PRICKLE2: variants seen among roughly 807,000 people sequenced by gnomAD.
PRICKLE2 encodes the protein prickle planar cell polarity protein 2, also known as prickle-like protein 2.
In PRICKLE2, 21 loss-of-function variants were observed where a neutral mutation model predicts 81.4. The ratio of observed to expected loss-of-function variants is 0.26; its 90% CI spans 0.18 to 0.37. The LOEUF is 0.37. Ranked by LOEUF, PRICKLE2 falls within the 10% of genes least tolerant of loss-of-function variation. The pLI is 1.00. For synonymous variants in PRICKLE2, 456 were observed against 421.5 expected (o/e 1.08, Z -1.00); for missense variants, 940 against 1,109.0 (o/e 0.85, Z 2.16).
At chr3:64,111,809 T>G (rs559992455) in intron 7 of PRICKLE2, among the ~76,000 whole-genome samples, 1 of 152,194 alleles carries the variant, frequency 6.6e-6, no homozygotes. Flanking sequence ...TCTAGGTTAC[T>G]GGCACTGCCT....
chr3:64,168,813 A>T (rs1316092915), intron 2 of PRICKLE2, among the ~76,000 whole-genome samples: 3 of 152,242 alleles, frequency 2.0e-5, no homozygotes, highest in Non-Finnish European at 4.4e-5. Flanking sequence ...GGCTGACCAC[A>T]GAAACGATGA....
In PRICKLE2 at chr3:64,202,397, A is replaced by T. The variant is rs150107829; in HGVS notation, c.-40-3430T>A. 2.7e-3 allele frequency among the ~76,000 whole-genome samples: 406 copies of T among 152,270 alleles called. 1 individual carries two copies. The highest frequency in any genetic ancestry group is 0.024 in the Middle Eastern group (7 of 294). On this transcript the variant is annotated intron_variant, in intron 1 of 7. Coordinates refer to ENST00000638394, the MANE Select transcript of PRICKLE2 (RefSeq NM_198859.4). ...GTCTGCCAATCCATGAACACAGGCTACCTTTCCATTTACTTCAATCTAATT... is the reference window on the plus strand; with the variant it reads ...GTCTGCCAATCCATGAACACAGGCTTCCTTTCCATTTACTTCAATCTAATT...
At chr3:64,148,453 C>T (rs1264814638) in intron 6 of PRICKLE2, among the ~76,000 whole-genome samples, 4 of 152,204 alleles carry the variant, frequency 2.6e-5, no homozygotes, top group Non-Finnish European at 5.9e-5. Flanking sequence ...ACAGCATCTC[C>T]AGGACCTGGA....
intron 7 of PRICKLE2, among the ~76,000 whole-genome samples, chr3:64,123,395 T>C (rs2077058814): frequency 6.6e-6 from 1 of 152,228 alleles, no homozygotes; most frequent in Non-Finnish European, 1.5e-5. Flanking sequence ...GACAATATGA[T>C]ACTCAAATGC....
chr3:64,175,895 C>T (rs1049152631), intron 2 of PRICKLE2, among the ~76,000 whole-genome samples: 3 of 152,088 alleles, frequency 2.0e-5, no homozygotes, highest in Non-Finnish European at 4.4e-5. Context: ...CTTTGGGCTG[C>T]TAGTAATCAT....
Position 64,126,065 on chromosome 3 carries a change from T to A in PRICKLE2, c.1660+20765A>T, listed in dbSNP as rs185456339. Among the ~76,000 whole-genome samples the A allele has an allele frequency of 2.6e-5, 4 of 152,246 alleles. No homozygotes were observed. The East Asian group carries it at 7.7e-4, about 29-fold the overall frequency. On this transcript the variant is annotated intron_variant, in intron 7 of 7. Transcript: ENST00000638394. ...TCGTGGACAATTTTAATTTATACAT[T>A]ATATATTTCTGTAGTTTGTAATTTT... is the stretch of plus-strand genomic sequence containing the variant.
At position 64,198,873 on chromosome 3, in the gene PRICKLE2, C is replaced by G; in HGVS notation, c.55G>C (p.Asp19His). The G allele has an allele frequency of 6.2e-7, 1 of 1,614,202 alleles. No individual in the cohort carries two copies. ...TCTGAGGTCGAGTTCCTCTGAAAGT[C>G]AAACATGAGTTTGCTGATGGTCTTC... Reference protein sequence around the residue: ...MEKTISKLMFDFQRNSTSDDD... With the variant: ...MEKTISKLMFHFQRNSTSDDD... The change falls in exon 2 of 8, where the codon GAC becomes CAC. Residue 19 changes from aspartate (D) to histidine (H), a missense_variant. By Grantham distance (81) the Asp-to-His change is moderately conservative. This residue lies in a region of PRICKLE2 where 270 missense variants were observed against 391.8 expected (regional missense o/e 0.69). Coordinates refer to ENST00000638394, the MANE Select transcript of PRICKLE2 (RefSeq NM_198859.4).
At chr3:64,249,173 G>C (rs4688437) in intron 2 of PRICKLE2, among the ~76,000 whole-genome samples, 1 of 151,900 alleles carries the variant, frequency 6.6e-6, no homozygotes, top group Non-Finnish European at 1.5e-5. Context: ...GGGAAACCTC[G>C]GGAAACTTAC....
intron 1 of PRICKLE2, among the ~76,000 whole-genome samples, chr3:64,207,448 C>T (rs567253230): frequency 6.6e-6 from 1 of 152,232 alleles, no homozygotes; most frequent in Admixed American, 6.5e-5. Flanking sequence ...AAACTGGAGA[C>T]CAGACTTCAT....
rs867544155 is a variant in PRICKLE2 at position 64,098,803 on chromosome 3, G to A, written c.*248C>T. 1.3e-5 allele frequency: 7 copies of A among 528,700 alleles called. No individual in the cohort carries two copies. Among genetic ancestry groups the A allele is most frequent in the Admixed American group, 9.5e-5 (3 of 31,696 alleles). The allele number at this position is 528,700 out of a possible 1,614,324, so 32.8% of individuals were successfully genotyped here. ...TCAACACAGAACTGATGGGAAGGAA[G>A]TGACCAAGCCTGGCCTCGATAGAGT... On this transcript the variant is annotated 3_prime_UTR_variant, in exon 8 of 8. Coordinates refer to ENST00000638394, the MANE Select transcript of PRICKLE2 (RefSeq NM_198859.4).
chr3:64,242,364 A>G (rs1490667017), intron 2 of PRICKLE2, among the ~76,000 whole-genome samples: 1 of 152,318 alleles, frequency 6.6e-6, no homozygotes, highest in East Asian at 1.9e-4. Context: ...GTTTCCATGA[A>G]GGAAATTCCT....
At chr3:64,172,456 A>G (rs973121284) in intron 2 of PRICKLE2, among the ~76,000 whole-genome samples, 6 of 152,230 alleles carry the variant, frequency 3.9e-5, no homozygotes, top group Non-Finnish European at 7.3e-5. Context: ...TTGGGTTCCA[A>G]TAATGGATGT....
At chr3:64,241,195 T>C (rs2079260139) in intron 2 of PRICKLE2, among the ~76,000 whole-genome samples, 1 of 152,202 alleles carries the variant, frequency 6.6e-6, no homozygotes, top group African/African-American at 2.4e-5. Flanking sequence ...CAAGTTGTAG[T>C]TTCCCAACTC....
chr3:64,218,511 A>G (rs894210212), intron 1 of PRICKLE2, among the ~76,000 whole-genome samples: 35 of 152,166 alleles, frequency 2.3e-4, no homozygotes, highest in African/African-American at 8.0e-4. Context: ...AAGTTATTCA[A>G]CCTCTCTGTG....
chr3:64,098,728 A>G lies in PRICKLE2; in HGVS notation c.*323T>C. On this transcript the variant is annotated 3_prime_UTR_variant, in exon 8 of 8. Transcript: ENST00000638394. ...AGGGTCCTAAAAGTAAGAGAACCAG[A>G]GAGGATAAAAGCGAGCAGGAAACAA... The G allele has an allele frequency of 2.9e-6, 1 of 339,484 alleles. No homozygotes were observed. The highest frequency in any genetic ancestry group is 5.5e-6 in the Non-Finnish European group (1 of 181,586). The allele number at this position is 339,484 out of a possible 1,614,324, so 21.0% of individuals were successfully genotyped here.
intron 2 of PRICKLE2, among the ~76,000 whole-genome samples, chr3:64,179,003 C>CTT (rs779984863): frequency 3.4e-5 from 5 of 147,838 alleles, no homozygotes; most frequent in African/African-American, 1.3e-4. Flanking sequence ...TTCTTTCTTT[C>CTT]TTTCTTTCTT....
chr3:64,222,923 T>C (rs2107151343), intron 1 of PRICKLE2, among the ~76,000 whole-genome samples: 1 of 152,326 alleles, frequency 6.6e-6, no homozygotes, highest in African/African-American at 2.4e-5. Context: ...TAAGGCTGCC[T>C]AAGCCCCAGT....
chr3:64,163,273 T>G, intron 2 of PRICKLE2, 144 bp from the exon 3 acceptor site: 2 of 711,228 alleles, frequency 2.8e-6, no homozygotes, highest in Non-Finnish European at 5.2e-6. Context: ...GCAGATGAGT[T>G]TCCTATGGTA....
chr3:64,184,739 C>G (rs1363488549), intron 2 of PRICKLE2, among the ~76,000 whole-genome samples: 3 of 152,182 alleles, frequency 2.0e-5, no homozygotes, highest in South Asian at 2.1e-4. Flanking sequence ...CTGTCTCAGG[C>G]TCCAAGTAGC....
Sources: allele counts gnomAD v4.1 joint callset (sites outside exome capture counted in the v4.1 genomes callset), GRCh38; gene constraint gnomAD v4.1.1; regional missense constraint gnomAD v4.1.1; transcripts MANE v1.5; gene names NCBI Gene and HGNC (gene_info 2026-07-23, HGNC 2026-07-21).